UNC13C: variants seen among roughly 807,000 people sequenced by gnomAD.
The protein encoded by UNC13C is protein unc-13 homolog C.
A neutral mutation model predicts 245.4 loss-of-function variants in UNC13C; 174 were observed. That is an observed-to-expected ratio of 0.71 (90% CI 0.63 to 0.80). The LOEUF (loss-of-function observed/expected upper bound fraction) is 0.80, where lower values mean the gene tolerates loss of function less well. Among genes scored for constraint, UNC13C ranks in the 30% least tolerant of loss-of-function variants. UNC13C has a pLI of 0.00. For missense variants in UNC13C, 2,829 were observed against 2,602.9 expected, an observed-to-expected ratio of 1.09 and a Z score of -1.89; for synonymous variants, 992 against 895.1, an observed-to-expected ratio of 1.11 and a Z score of -1.93.
chr15:54,031,735 C>A (rs2141018868), intron 2 of UNC13C, among the ~76,000 whole-genome samples: 1 of 152,086 alleles, frequency 6.6e-6, no homozygotes. Flanking sequence ...TCATTGATGC[C>A]TTTTATAGAT....
downstream of UNC13C, chr15:54,631,524 A>C (rs2141332462): frequency 6.6e-6 from 1 of 152,302 alleles, no homozygotes; most frequent in African/African-American, 2.4e-5. Context: ...TCCTACTATC[A>C]ACCCTCTGCA....
chr15:53,842,944 A>G, the UNC13C span, among the ~76,000 whole-genome samples: 13 of 149,666 alleles, frequency 8.7e-5, no homozygotes, highest in Non-Finnish European at 1.9e-4. Context: ...TAGATAATAA[A>G]AAGTTCTTTG....
intron 17 of UNC13C, among the ~76,000 whole-genome samples, chr15:54,346,514 C>G (rs1398673336): frequency 2.0e-5 from 3 of 152,210 alleles, no homozygotes; most frequent in African/African-American, 7.2e-5. Context: ...CTATTAGACA[C>G]AGTACAGTCT....
intron 30 of UNC13C, among the ~76,000 whole-genome samples, chr15:54,577,191 G>T (rs144237228): frequency 1.9e-4 from 26 of 133,938 alleles, no homozygotes; most frequent in African/African-American, 6.6e-4. Flanking sequence ...ATTAGAAAGA[G>T]AGAAAAAGAC....
chr15:53,878,305 A>T, the UNC13C span, among the ~76,000 whole-genome samples: 115 of 152,182 alleles, frequency 7.6e-4, no homozygotes, highest in African/African-American at 2.0e-3. Context: ...TGTGGTAAGA[A>T]TTTTTCATAC....
At chr15:54,365,649 C>T (rs2039347335) in intron 17 of UNC13C, among the ~76,000 whole-genome samples, 1 of 151,720 alleles carries the variant, frequency 6.6e-6, no homozygotes, top group African/African-American at 2.4e-5. Context: ...AACTATGAGC[C>T]TTGGGAGACT....
intron 13 of UNC13C, among the ~76,000 whole-genome samples, chr15:54,312,457 A>G (rs1445798226): frequency 6.6e-6 from 1 of 151,768 alleles, no homozygotes; most frequent in Non-Finnish European, 1.5e-5. Context: ...TGAGTTTTCT[A>G]AGTATATTTC....
At chr15:54,020,578 C>T (rs886321134) in intron 2 of UNC13C, among the ~76,000 whole-genome samples, 5 of 151,810 alleles carry the variant, frequency 3.3e-5, no homozygotes, top group Admixed American at 6.6e-5. Flanking sequence ...CCACCACACC[C>T]GGCCGATTTT....
chr15:54,018,523 G>C (rs1895760254), intron 2 of UNC13C, among the ~76,000 whole-genome samples: 1 of 152,158 alleles, frequency 6.6e-6, no homozygotes, highest in Non-Finnish European at 1.5e-5. Flanking sequence ...CAGCATTCCA[G>C]TAGGAAGAGA....
At chr15:54,473,134 G>A (rs531745888) in intron 19 of UNC13C, among the ~76,000 whole-genome samples, 7 of 151,616 alleles carry the variant, frequency 4.6e-5, no homozygotes, top group East Asian at 1.9e-4. Flanking sequence ...CTGTTCCTTC[G>A]TTAACTTGCT....
At chr15:54,263,963 A>G (rs899837881) in intron 8 of UNC13C, among the ~76,000 whole-genome samples, 1 of 152,082 alleles carries the variant, frequency 6.6e-6, no homozygotes, top group Non-Finnish European at 1.5e-5. Context: ...TAGGAGGTCA[A>G]TTTACCTGCC....
At chr15:54,369,434 C>T (rs2039440358) in intron 17 of UNC13C, among the ~76,000 whole-genome samples, 1 of 152,058 alleles carries the variant, frequency 6.6e-6, no homozygotes, top group Non-Finnish European at 1.5e-5. Flanking sequence ...TCACTGTTCC[C>T]CATGCAACAC....
chr15:54,560,643 G>A (rs1282270244), intron 29 of UNC13C, among the ~76,000 whole-genome samples: 2 of 151,826 alleles, frequency 1.3e-5, no homozygotes, highest in African/African-American at 4.8e-5. Context: ...TGTATCTAGG[G>A]TGGAAGCCTT....
intron 18 of UNC13C, among the ~76,000 whole-genome samples, chr15:54,404,821 T>C (rs1365100882): frequency 6.6e-6 from 1 of 152,176 alleles, no homozygotes; most frequent in African/African-American, 2.4e-5. Flanking sequence ...GTATGAATTG[T>C]TAGTGTATAG....
chr15:54,487,512 A>C (rs566299497), intron 19 of UNC13C, among the ~76,000 whole-genome samples: 1 of 152,240 alleles, frequency 6.6e-6, no homozygotes, highest in South Asian at 2.1e-4. Context: ...CACACCTGTA[A>C]TCCCAGCACT....
chr15:54,411,360 A>G (rs773592369), intron 18 of UNC13C, among the ~76,000 whole-genome samples: 9 of 152,084 alleles, frequency 5.9e-5, no homozygotes, highest in East Asian at 1.9e-4. Flanking sequence ...CAATTTATCA[A>G]TATTTTATTT....
At chr15:54,339,089 A>T (rs984890990) in intron 17 of UNC13C, among the ~76,000 whole-genome samples, 3 of 152,022 alleles carry the variant, frequency 2.0e-5, no homozygotes, top group Non-Finnish European at 4.4e-5. Flanking sequence ...GCTGGTCTTG[A>T]ACTCCTGACC....
chr15:54,004,847 T>C (rs1046002049), intron 1 of UNC13C, among the ~76,000 whole-genome samples: 62 of 152,228 alleles, frequency 4.1e-4, no homozygotes, highest in Non-Finnish European at 1.9e-4. Flanking sequence ...CATTTTTAAA[T>C]TGGATTATTA....
intron 10 of UNC13C, among the ~76,000 whole-genome samples, chr15:54,272,281 G>A (rs1029471493): frequency 2.0e-5 from 3 of 152,012 alleles, no homozygotes; most frequent in East Asian, 1.9e-4. Flanking sequence ...GCTCTCCACC[G>A]TGCCATGTGC....
Sources: allele counts gnomAD v4.1 joint callset (sites outside exome capture counted in the v4.1 genomes callset), GRCh38; gene constraint gnomAD v4.1.1; transcripts MANE v1.5; gene names NCBI Gene and HGNC (gene_info 2026-07-23, HGNC 2026-07-21).